Variants in MRTFA observed in about 807,000 individuals in gnomAD.
The protein encoded by MRTFA is myocardin-related transcription factor A.
In MRTFA, 20 loss-of-function variants were observed where a neutral mutation model predicts 83.5. The ratio of observed to expected loss-of-function variants is 0.24; its 90% CI spans 0.17 to 0.35. MRTFA has a LOEUF of 0.35. MRTFA is among the 10% of genes least tolerant of loss of function. The probability of loss-of-function intolerance (pLI) is 1.00; values close to 1 mark genes in which losing one functional copy is unlikely to be tolerated. For synonymous variants in MRTFA, 659 were observed against 541.2 expected (o/e 1.22, Z -3.02); for missense variants, 1,200 against 1,224.7 (o/e 0.98, Z 0.30).
At chr22:40,496,067 GA>G (rs920685445) in intron 3 of MRTFA, among the ~76,000 whole-genome samples, 197 of 142,188 alleles carry the variant, frequency 1.4e-3, no homozygotes, top group African/African-American at 4.0e-3. Flanking sequence ...CTCAGTCTCA[GA>G]AAAAAAAAAA....
At chr22:40,495,437 G>A (rs1339732858) in intron 3 of MRTFA, among the ~76,000 whole-genome samples, 1 of 138,516 alleles carries the variant, frequency 7.2e-6, no homozygotes, top group African/African-American at 2.7e-5. Flanking sequence ...GGGCCACAGA[G>A]CAAGACTCCG....
intron 2 of MRTFA, among the ~76,000 whole-genome samples, chr22:40,585,469 A>G (rs1444418929): frequency 2.6e-5 from 4 of 152,172 alleles, no homozygotes; most frequent in African/African-American, 7.2e-5. Flanking sequence ...CACAAGCTGA[A>G]AAGAGTTCTG....
At chr22:40,634,696 C>T (rs2056676105) in intron 1 of MRTFA, among the ~76,000 whole-genome samples, 1 of 152,192 alleles carries the variant, frequency 6.6e-6, no homozygotes, top group South Asian at 2.1e-4. Context: ...AACAAAAAGT[C>T]TGTTGAATGA....
rs73422615 is a variant in MRTFA at position 40,463,302 on chromosome 22, G to A, written c.242-16C>T. On this transcript the variant is annotated splice_polypyrimidine_tract_variant and intron_variant, in intron 3 of 14. Transcript: ENST00000355630. ...AACTGTAGCACTGCAGGGCAGCAGAGAGAGAGGAGAGATGAGGGGTCAGTT... is the reference window on the plus strand; with the variant it reads ...AACTGTAGCACTGCAGGGCAGCAGAAAGAGAGGAGAGATGAGGGGTCAGTT... 4,576 of 1,611,666 alleles carry A rather than the reference G, an allele frequency of 2.8e-3. 133 individuals carry two copies. The African/African-American group carries it at 0.056, about 20-fold the overall frequency.
At chr22:40,592,143 G>A (rs1190959964) in intron 2 of MRTFA, among the ~76,000 whole-genome samples, 1 of 151,808 alleles carries the variant, frequency 6.6e-6, no homozygotes, top group Non-Finnish European at 1.5e-5. Flanking sequence ...AAAAGAATGT[G>A]TGGGCCAGGC....
chr22:40,569,079 T>C (rs1391252734), intron 2 of MRTFA, among the ~76,000 whole-genome samples: 4 of 152,174 alleles, frequency 2.6e-5, no homozygotes, highest in Non-Finnish European at 4.4e-5. Flanking sequence ...CCTTTTTATA[T>C]ACCAGACTAT....
chr22:40,590,254 G>A (rs73169056), intron 2 of MRTFA, among the ~76,000 whole-genome samples: 13,537 of 152,116 alleles, frequency 0.089, 779 homozygotes, highest in East Asian at 0.25. Flanking sequence ...TATAGATTAT[G>A]TATCACTAAG....
intron 3 of MRTFA, among the ~76,000 whole-genome samples, chr22:40,516,483 AGAAGAGAAG>A (rs951216109): frequency 2.0e-5 from 3 of 151,582 alleles, no homozygotes; most frequent in South Asian, 4.2e-4. Context: ...AAGCCTTCTC[AGAAGAGAAG>A]GAAGAGAATA....
In MRTFA at chr22:40,538,985, CTTTTGTTT is replaced by C. The variant is rs1415852400; in HGVS notation, c.241+13113_241+13120del. Among the ~76,000 whole-genome samples, 86 of 106,880 alleles carry C rather than the reference CTTTTGTTT, an allele frequency of 8.0e-4. 1 individual carries two copies. The highest frequency in any genetic ancestry group is 3.1e-3 in the African/African-American group (82 of 26,242). The allele number at this position is 106,880 out of a possible 152,430, so 70.1% of individuals were successfully genotyped here. On this transcript the variant is annotated intron_variant, in intron 3 of 14. Transcript: ENST00000355630. ...GACATTATACTGCAGGATACACAGC[CTTTTGTTT>C]TTTTTTTTTTTTTTTTTTTGAGACA...
chr22:40,516,625 A>G (rs1414825907), intron 3 of MRTFA, among the ~76,000 whole-genome samples: 1 of 152,082 alleles, frequency 6.6e-6, no homozygotes, highest in Non-Finnish European at 1.5e-5. Flanking sequence ...TACAACGGAA[A>G]AAATGTCTAA....
In MRTFA at chr22:40,424,214, G is replaced by C; in HGVS notation, c.769C>G (p.Pro257Ala). The C allele has an allele frequency of 6.3e-7, 1 of 1,597,950 alleles. No homozygotes were observed. The highest frequency in any genetic ancestry group is 8.5e-7 in the Non-Finnish European group (1 of 1,173,726). The change falls in exon 8 of 15, where the codon CCC becomes GCC. Residue 257 changes from proline to alanine, a missense_variant. By Grantham distance (27) the Pro-to-Ala change is conservative (BLOSUM62 -1). Transcript: ENST00000355630. ...TGGAAGCACACACTCACCTGGGTGG[G>C]GGATGCAGAGGTGGCACTGAGCAGT...
chr22:40,471,566 T>G (rs2053914937), intron 3 of MRTFA, among the ~76,000 whole-genome samples: 1 of 152,212 alleles, frequency 6.6e-6, no homozygotes, highest in South Asian at 2.1e-4. Context: ...AAAGCTTCGC[T>G]GATATATTTC....
chr22:40,411,717 C>A lies in MRTFA; in HGVS notation c.2769G>T (p.Gly923=), dbSNP rs1460727049. 6.4e-7 allele frequency: 1 copy of A among 1,570,500 alleles called. No homozygotes were observed. The highest frequency in any genetic ancestry group is 8.7e-7 in the Non-Finnish European group (1 of 1,153,314). ...CATGCCCACTGGTCAGCAGGGGCAG[C>A]CCCGTGCTGCTCTCCAGGAAGTCCT... Residue 923 remains glycine, a synonymous_variant, in exon 15 of 15, where the codon GGG becomes GGT. Transcript: ENST00000355630.
intron 1 of MRTFA, among the ~76,000 whole-genome samples, chr22:40,603,758 A>G (rs1479029140): frequency 1.3e-5 from 2 of 150,984 alleles, no homozygotes; most frequent in Non-Finnish European, 3.0e-5. Flanking sequence ...TGTTGAAAAA[A>G]AAAATTTTTT....
chr22:40,505,722 T>G (rs894078605), intron 3 of MRTFA, among the ~76,000 whole-genome samples: 1 of 152,176 alleles, frequency 6.6e-6, no homozygotes, highest in African/African-American at 2.4e-5. Context: ...TTATGCCATA[T>G]GAGGACACAG....
chr22:40,430,936 C>T (rs190330110), intron 6 of MRTFA, among the ~76,000 whole-genome samples: 9 of 148,100 alleles, frequency 6.1e-5, no homozygotes, highest in Admixed American at 3.4e-4. Flanking sequence ...CAGGTGGGTA[C>T]ATCTAGAATA....
At chr22:40,608,523 G>A (rs1256537749) in intron 1 of MRTFA, among the ~76,000 whole-genome samples, 1 of 152,178 alleles carries the variant, frequency 6.6e-6, no homozygotes, top group Non-Finnish European at 1.5e-5. Flanking sequence ...CTGTAGATGT[G>A]ACCTCATTTA....
At chr22:40,491,326 G>A (rs1455521314) in intron 3 of MRTFA, among the ~76,000 whole-genome samples, 2 of 152,008 alleles carry the variant, frequency 1.3e-5, no homozygotes, top group Admixed American at 6.6e-5. Context: ...TGGGCCACAG[G>A]AGTGAAAACC....
chr22:40,542,523 A>G (rs545171435), intron 3 of MRTFA, among the ~76,000 whole-genome samples: 6 of 152,334 alleles, frequency 3.9e-5, no homozygotes, highest in Non-Finnish European at 5.9e-5. Context: ...TACTTAGCAC[A>G]CAGTGCTAAG....
Sources: allele counts gnomAD v4.1 joint callset (sites outside exome capture counted in the v4.1 genomes callset), GRCh38; gene constraint gnomAD v4.1.1; transcripts MANE v1.5; gene names NCBI Gene and HGNC (gene_info 2026-07-23, HGNC 2026-07-21).